RAC1: variants seen among roughly 807,000 people sequenced by gnomAD.
RAC1 encodes the protein Rac family small GTPase 1, also known as ras-related C3 botulinum toxin substrate 1.
A neutral mutation model predicts 25.2 loss-of-function variants in RAC1; 2 were observed. The observed-to-expected ratio is 0.08, with a 90% CI of 0.03 to 0.25. RAC1 has a LOEUF of 0.25. RAC1 is among the 10% of genes least tolerant of loss of function. The probability of loss-of-function intolerance (pLI) is 1.00; values close to 1 mark genes in which losing one functional copy is unlikely to be tolerated. For synonymous variants in RAC1, 88 were observed against 94.0 expected (o/e 0.94, Z 0.37); for missense variants, 50 against 235.7 (o/e 0.21, Z 5.16).
intron 2 of RAC1, among the ~76,000 whole-genome samples, chr7:6,389,766 A>T (rs538131571): frequency 6.6e-6 from 1 of 152,122 alleles, no homozygotes; most frequent in Non-Finnish European, 1.5e-5. Flanking sequence ...GCCTCAGGTG[A>T]TTCTCCACCT....
chr7:6,394,128 A>G (rs535004054), intron 3 of RAC1, among the ~76,000 whole-genome samples: 60 of 152,258 alleles, frequency 3.9e-4, no homozygotes, highest in Middle Eastern at 6.8e-3. Flanking sequence ...CTGAAGGACC[A>G]GTTGGAAGAT....
At chr7:6,390,936 T>A (rs973953612) in intron 2 of RAC1, among the ~76,000 whole-genome samples, 2 of 152,142 alleles carry the variant, frequency 1.3e-5, no homozygotes, top group African/African-American at 4.8e-5. Context: ...TCGCACTTGT[T>A]GCCCAGGCCG....
At chr7:6,379,142 T>C (rs764367209) in intron 1 of RAC1, among the ~76,000 whole-genome samples, 1 of 152,096 alleles carries the variant, frequency 6.6e-6, no homozygotes, top group Non-Finnish European at 1.5e-5. Context: ...TAAACAACTT[T>C]TATTATTTAT....
At position 6,394,996 on chromosome 7, in the gene RAC1, A is replaced by G. The variant is rs553623064; in HGVS notation, c.225+2955A>G. ...CAGCCTCCCAAGTAGCTGGGACTAC[A>G]GGCGCCCGCCACCACACCTGACTAA... On this transcript the variant is annotated intron_variant, in intron 3 of 5. Coordinates refer to ENST00000348035, the MANE Select transcript of RAC1 (RefSeq NM_006908.5). Among the ~76,000 whole-genome samples the G allele has an allele frequency of 2.5e-3, 386 of 152,314 alleles. 3 individuals carry two copies. Among genetic ancestry groups the G allele is most frequent in the African/African-American group, 9.0e-3 (376 of 41,576 alleles).
intron 2 of RAC1, among the ~76,000 whole-genome samples, chr7:6,388,515 T>C (rs1182217240): frequency 2.0e-5 from 3 of 151,914 alleles, no homozygotes; most frequent in Non-Finnish European, 2.9e-5. Context: ...TGGCTAATTT[T>C]TGTTTCTTTA....
At chr7:6,400,097 A>C in intron 3 of RAC1, 29 bp from the exon 4 acceptor site, 2 of 1,582,826 alleles carry the variant, frequency 1.3e-6, no homozygotes, top group Non-Finnish European at 1.7e-6. Context: ...GTTGTTGTCT[A>C]AATGTTTCCC....
At chr7:6,396,059 CAA>C (rs1783227684) in intron 3 of RAC1, among the ~76,000 whole-genome samples, 1 of 152,030 alleles carries the variant, frequency 6.6e-6, no homozygotes, top group African/African-American at 2.4e-5. Flanking sequence ...GCAGGAGTAA[CAA>C]AGGCGTTGAA....
intron 2 of RAC1, among the ~76,000 whole-genome samples, chr7:6,389,406 A>G (rs1269805941): frequency 6.7e-6 from 1 of 149,860 alleles, no homozygotes. Flanking sequence ...TTTAATTAAA[A>G]AAGTTTGCTC....
At chr7:6,375,978 T>G (rs1167665365) in intron 1 of RAC1, 1 of 152,102 alleles carries the variant, frequency 6.6e-6, no homozygotes, top group Non-Finnish European at 1.5e-5. Context: ...CTGGTACATG[T>G]TGCAGTAAAG....
intron 1 of RAC1, among the ~76,000 whole-genome samples, chr7:6,376,868 T>C (rs887711159): frequency 1.3e-4 from 20 of 151,666 alleles, no homozygotes; most frequent in Non-Finnish European, 2.4e-4. Context: ...GATACGTTTA[T>C]TTAATACTAA....
chr7:6,402,068 T>C (rs2115217713), intron 5 of RAC1, 41 bp downstream of exon 5: 1 of 1,591,156 alleles, frequency 6.3e-7, no homozygotes, highest in South Asian at 1.1e-5. Context: ...GTACCTCTTT[T>C]ATTGTAGTGA....
intron 4 of RAC1, chr7:6,401,662 C>T (rs893703528): frequency 2.5e-5 from 11 of 445,904 alleles, no homozygotes; most frequent in Admixed American, 7.9e-5. Context: ...AGCCATGATC[C>T]GGGAGTCCTA....
chr7:6,381,533 C>T (rs1397203259), intron 1 of RAC1, among the ~76,000 whole-genome samples: 1 of 151,982 alleles, frequency 6.6e-6, no homozygotes, highest in Non-Finnish European at 1.5e-5. Flanking sequence ...GCTGAGATTA[C>T]AGGCGTGTGC....
At chr7:6,400,043 T>C in intron 3 of RAC1, 83 bp from the exon 4 acceptor site, 2 of 1,257,396 alleles carry the variant, frequency 1.6e-6, no homozygotes, top group Non-Finnish European at 2.3e-6. Context: ...CAACAAGTCC[T>C]TCCCAGCAAC....
intron 4 of RAC1, among the ~76,000 whole-genome samples, chr7:6,400,575 T>C (rs1159929630): frequency 1.3e-5 from 2 of 152,202 alleles, no homozygotes; most frequent in Non-Finnish European, 2.9e-5. Context: ...ATCTTTCAGC[T>C]TCAGCCTCCC....
chr7:6,377,155 A>C (rs1475797492), intron 1 of RAC1, among the ~76,000 whole-genome samples: 3 of 151,304 alleles, frequency 2.0e-5, no homozygotes, highest in African/African-American at 7.3e-5. Flanking sequence ...AGACTCTGTG[A>C]GGGAGTATTA....
Position 6,403,060 on chromosome 7 carries a change from C to T in RAC1, c.*614C>T. On this transcript the variant is annotated 3_prime_UTR_variant, in exon 6 of 6. Transcript: ENST00000348035. ...ATTTCATAGCGAGTTTTCTGACCAG[C>T]TTTTGCGGAGATTTTGAACAGAACT... 1 of 200,280 alleles carries T rather than the reference C, an allele frequency of 5.0e-6. No homozygotes were observed. The highest frequency in any genetic ancestry group is 7.7e-5 in the East Asian group (1 of 13,014). The allele number at this position is 200,280 out of a possible 1,614,324, so 12.4% of individuals were successfully genotyped here. A position where few individuals can be genotyped will look rare whatever the true frequency, so the allele number is the denominator to read the frequency against.
At chr7:6,392,518 T>C (rs560970354) in intron 3 of RAC1, among the ~76,000 whole-genome samples, 1 of 152,340 alleles carries the variant, frequency 6.6e-6, no homozygotes, top group South Asian at 2.1e-4. Context: ...CCTAAATTTA[T>C]TCAATGTAGA....
At chr7:6,390,279 C>T (rs1783054262) in intron 2 of RAC1, among the ~76,000 whole-genome samples, 1 of 151,494 alleles carries the variant, frequency 6.6e-6, no homozygotes, top group South Asian at 2.1e-4. Flanking sequence ...GTGTCTTCTG[C>T]CATATAGAAA....
Sources: gnomAD v4.1 joint callset for allele counts (sites outside exome capture counted in the v4.1 genomes callset) on GRCh38, gnomAD v4.1.1 for gene constraint, MANE v1.5 for transcripts, NCBI Gene and HGNC (gene_info 2026-07-23, HGNC 2026-07-21) for gene names.